Variants in TEAD3 observed in about 807,000 individuals in gnomAD.
TEAD3 encodes TEA domain transcription factor 3, also known as transcriptional enhancer factor TEF-5.
A neutral mutation model predicts 55.6 loss-of-function variants in TEAD3; 15 were observed. The ratio of observed to expected loss-of-function variants is 0.27; its 90% CI spans 0.18 to 0.42. TEAD3 has a LOEUF of 0.42. Among genes scored for constraint, TEAD3 ranks in the 10% least tolerant of loss-of-function variants. The pLI is 1.00. For missense variants in TEAD3, 407 were observed against 576.8 expected (o/e 0.71, Z 3.01); for synonymous variants, 210 against 232.2 (o/e 0.90, Z 0.87).
rs1041764457 is a variant in TEAD3, at chr6:35,486,142, C to A, written c.202+319G>T. On this transcript the variant is annotated intron_variant, in intron 2 of 12. Transcript: ENST00000639578. The surrounding 1 kb of genome is among the most constrained non-coding windows in gnomAD (Gnocchi z 7.3). ...CACATCCTCCTCCGGGAAGGGACCC[C>A]GTTCCGGGCCTCGACCGGCGCAGAC... Among the ~76,000 whole-genome samples, 7 of 152,232 alleles carry A rather than the reference C, an allele frequency of 4.6e-5. No individual in the cohort carries two copies. Among genetic ancestry groups the A allele is most frequent in the Non-Finnish European group, 8.8e-5 (6 of 68,042 alleles).
At chr6:35,494,613 A>T (rs886472947) in intron 1 of TEAD3, among the ~76,000 whole-genome samples, 2 of 152,040 alleles carry the variant, frequency 1.3e-5, no homozygotes, top group African/African-American at 4.8e-5. Flanking sequence ...GCGACCTCCT[A>T]GCCCCTTCAC....
At position 35,475,164 on chromosome 6, in the gene TEAD3, G is replaced by T; in HGVS notation, c.1195-7C>A. 1 of 1,573,680 alleles carries T rather than the reference G, an allele frequency of 6.4e-7. No individual in the cohort carries two copies. Among genetic ancestry groups the T allele is most frequent in the Non-Finnish European group, 8.6e-7 (1 of 1,159,170 alleles). On this transcript the variant is annotated splice_region_variant and splice_polypyrimidine_tract_variant and intron_variant, in intron 12 of 12. Coordinates refer to ENST00000639578, the Ensembl canonical transcript of TEAD3. This position sits in a 1 kb window ranked among gnomAD's most constrained non-coding sequence, Gnocchi z 5.4. ...AGTCCCGGCTCGTGACCACCTGGGG[G>T]GTGAGCAGGTAAGAGATTCAGGAGG...
downstream of TEAD3, chr6:35,473,739 CAAAA>C (rs576526174): frequency 1.4e-5 from 2 of 147,788 alleles, no homozygotes; most frequent in African/African-American, 5.1e-5. Flanking sequence ...TAAAAATACA[CAAAA>C]AAATATATAA....
At position 35,494,864 on chromosome 6, in the gene TEAD3, G is replaced by A. The variant is rs141917295; in HGVS notation, c.-50+2034C>T. On this transcript the variant is annotated intron_variant, in intron 1 of 12. Transcript: ENST00000639578. ...AATCCACCAAGCCCCCCTGTCCCTTGACACCTGCCCCCCGCCACCTTTTCA... is the reference window on the plus strand; with the variant it reads ...AATCCACCAAGCCCCCCTGTCCCTTAACACCTGCCCCCCGCCACCTTTTCA... Among the ~76,000 whole-genome samples, 367 of 140,148 alleles carry A rather than the reference G, an allele frequency of 2.6e-3. 1 individual carries two copies. Among genetic ancestry groups the A allele is most frequent in the Non-Finnish European group, 4.6e-3 (299 of 64,696 alleles). The allele number at this position is 140,148 out of a possible 152,430, so 91.9% of individuals were successfully genotyped here. A position where few individuals can be genotyped will look rare whatever the true frequency, so the allele number is the denominator to read the frequency against.
At chr6:35,494,852 C>A (rs984148154) in intron 1 of TEAD3, among the ~76,000 whole-genome samples, 1 of 146,184 alleles carries the variant, frequency 6.8e-6, no homozygotes, top group African/African-American at 2.5e-5. Flanking sequence ...CCACCAAGCC[C>A]CCCTGTCCCT....
chr6:35,486,384 G>A lies in TEAD3; in HGVS notation c.202+77C>T, dbSNP rs1768380686. 1.6e-5 allele frequency: 24 copies of A among 1,503,226 alleles called. No homozygotes were observed. The highest frequency in any genetic ancestry group is 2.0e-5 in the Non-Finnish European group (22 of 1,118,086). The allele number at this position is 1,503,226 out of a possible 1,614,324, so 93.1% of individuals were successfully genotyped here. On this transcript the variant is annotated intron_variant, in intron 2 of 12. Coordinates refer to ENST00000639578, the Ensembl canonical transcript of TEAD3. This position sits in a 1 kb window ranked among gnomAD's most constrained non-coding sequence, Gnocchi z 7.3. ...CGGCCAGCGGCTGGCGGCCTCCGAC[G>A]TCACCAAACCGGTTGGGTGAGAGGG... is the stretch of plus-strand genomic sequence containing the variant.
At chr6:35,476,792 T>G (rs757706816) in intron 8 of TEAD3, among the ~76,000 whole-genome samples, 1 of 151,902 alleles carries the variant, frequency 6.6e-6, no homozygotes, top group Admixed American at 6.5e-5. Flanking sequence ...TAGGTTTTGG[T>G]GGTGTGTGCT....
exon 8 of TEAD3, chr6:35,477,331 G>A (rs753899331): frequency 1.2e-6 from 2 of 1,606,716 alleles, no homozygotes; most frequent in South Asian, 1.1e-5. Context: ...CGGCGGCAGG[G>A]GCGGCTGGAT....
chr6:35,486,789 C>G lies in TEAD3; in HGVS notation c.-49-78G>C. ...ATCTCCTATCCCACAGCCGCTGGCTCTGGAGCTCCGCCCCCAGCCCCAAGC... is the reference window on the plus strand; with the variant it reads ...ATCTCCTATCCCACAGCCGCTGGCTGTGGAGCTCCGCCCCCAGCCCCAAGC... On this transcript the variant is annotated intron_variant, in intron 1 of 12. Coordinates refer to ENST00000639578, the Ensembl canonical transcript of TEAD3. The surrounding 1 kb of genome is among the most constrained non-coding windows in gnomAD (Gnocchi z 7.3). 3.8e-6 allele frequency: 4 copies of G among 1,061,460 alleles called. No homozygotes were observed. Among genetic ancestry groups the G allele is most frequent in the South Asian group, 1.6e-5 (1 of 62,678 alleles). 65.8% of individuals were successfully genotyped at this position (1,061,460 alleles called of 1,614,324 possible).
intron 3 of TEAD3, among the ~76,000 whole-genome samples, chr6:35,482,133 C>T (rs1033295480): frequency 3.3e-5 from 5 of 152,086 alleles, no homozygotes; most frequent in Admixed American, 6.5e-5. Context: ...TCCAGGTGCA[C>T]ACCACCACAC....
rs1169524793 is a variant in TEAD3, at chr6:35,484,277, G to A, written c.267+283C>T. Among the ~76,000 whole-genome samples the A allele has an allele frequency of 6.6e-6, 1 of 152,200 alleles. No homozygotes were observed. The highest frequency in any genetic ancestry group is 1.5e-5 in the Non-Finnish European group (1 of 68,038). On this transcript the variant is annotated intron_variant, in intron 3 of 12. Transcript: ENST00000639578. This position sits in a 1 kb window ranked among gnomAD's most constrained non-coding sequence, Gnocchi z 5.8. ...TGTAGCAGCCACAGCAGCCCCGTGG[G>A]CTTATCTGTGGTCCCTGAACCACAG...
At chr6:35,492,059 G>T (rs1166822575) in intron 1 of TEAD3, among the ~76,000 whole-genome samples, 1 of 152,194 alleles carries the variant, frequency 6.6e-6, no homozygotes, top group Non-Finnish European at 1.5e-5. Flanking sequence ...CCCTTCCCCT[G>T]CACCAGCCCT....
chr6:35,484,322 G>A lies in TEAD3; in HGVS notation c.267+238C>T, dbSNP rs1339313150. 1.3e-5 allele frequency among the ~76,000 whole-genome samples: 2 copies of A among 152,218 alleles called. No homozygotes were observed. Among genetic ancestry groups the A allele is most frequent in the African/African-American group, 2.4e-5 (1 of 41,456 alleles). The stretch of plus-strand genomic sequence containing the variant: ...CCACAGGCCCTGGGCAGGGTAGTAG[G>A]TGGTCAGAGAGGACAGTGGGGCCAT... On this transcript the variant is annotated intron_variant, in intron 3 of 12. Transcript: ENST00000639578. This position sits in a 1 kb window ranked among gnomAD's most constrained non-coding sequence, Gnocchi z 5.8.
At chr6:35,478,051 C>T (rs1424248221) in intron 7 of TEAD3, among the ~76,000 whole-genome samples, 2 of 150,682 alleles carry the variant, frequency 1.3e-5, no homozygotes, top group Non-Finnish European at 2.9e-5. Context: ...GCAAGTCTTG[C>T]CCTGTTACCC....
intron 1 of TEAD3, among the ~76,000 whole-genome samples, chr6:35,490,149 C>T (rs1315017303): frequency 6.6e-6 from 1 of 152,186 alleles, no homozygotes; most frequent in Non-Finnish European, 1.5e-5. Context: ...TTTCCTGCCT[C>T]CCCCAAGTCC....
In TEAD3 at chr6:35,491,355, G is replaced by A. The variant is rs187422342; in HGVS notation, c.-49-4644C>T. Among the ~76,000 whole-genome samples the A allele has an allele frequency of 1.3e-5, 2 of 152,074 alleles. No individual in the cohort carries two copies. The highest frequency in any genetic ancestry group is 3.9e-4 in the East Asian group (2 of 5,152). ...CTAGAAAGAGACACACAGCAGAGAG[G>A]GGTAGACCAGAAACTCAGATATGAT... On this transcript the variant is annotated intron_variant, in intron 1 of 12. Coordinates refer to ENST00000639578, the Ensembl canonical transcript of TEAD3. The surrounding 1 kb of genome is among the most constrained non-coding windows in gnomAD (Gnocchi z 4.4).
chr6:35,494,654 C>T (rs1561809495), intron 1 of TEAD3, among the ~76,000 whole-genome samples: 1 of 152,154 alleles, frequency 6.6e-6, no homozygotes, highest in Non-Finnish European at 1.5e-5. Context: ...CCCCTGGGCT[C>T]CTCTCCCCAT....
intron 1 of TEAD3, among the ~76,000 whole-genome samples, chr6:35,492,549 G>C (rs1561808693): frequency 6.6e-6 from 1 of 152,080 alleles, no homozygotes; most frequent in African/African-American, 2.4e-5. Context: ...ATTTTTACAG[G>C]AGGAAGCAAT....
Position 35,491,655 on chromosome 6 carries a change from G to A in TEAD3, c.-49-4944C>T, listed in dbSNP as rs1470510386. On this transcript the variant is annotated intron_variant, in intron 1 of 12. Coordinates refer to ENST00000639578, the Ensembl canonical transcript of TEAD3. This position sits in a 1 kb window ranked among gnomAD's most constrained non-coding sequence, Gnocchi z 4.4. ...CGCCAGCAGGCTGCAGACCCCCAGG[G>A]GACTCAGTCTGCCTTCACCCTCATC... 6.6e-6 allele frequency among the ~76,000 whole-genome samples: 1 copy of A among 152,178 alleles called. No homozygotes were observed. The highest frequency in any genetic ancestry group is 2.4e-5 in the African/African-American group (1 of 41,444).
Sources: gnomAD v4.1 joint callset for allele counts (sites outside exome capture counted in the v4.1 genomes callset) on GRCh38, gnomAD v4.1.1 for gene constraint, Gnocchi (gnomAD v3.1) non-coding constraint, MANE v1.5 for transcripts, NCBI Gene and HGNC (gene_info 2026-07-23, HGNC 2026-07-21) for gene names.